ZNF185: variants seen among roughly 807,000 people sequenced by gnomAD.
ZNF185 encodes the protein zinc finger protein 185.
ZNF185 carries 56 observed loss-of-function variants against 58.6 expected under a neutral mutation model. That is an observed-to-expected ratio of 0.95 (90% CI 0.77 to 1.19). The LOEUF (loss-of-function observed/expected upper bound fraction) is 1.19. Among genes scored for constraint, ZNF185 ranks in the 50% most tolerant of loss-of-function variants. ZNF185 has a pLI of 0.00. For synonymous variants in ZNF185, 230 were observed against 215.9 expected (o/e 1.07, Z -0.57); for missense variants, 627 against 573.5 (o/e 1.09, Z -0.95).
At chrX:152,935,258 C>T (rs1187707282) in intron 14 of ZNF185, among the ~76,000 whole-genome samples, 6 of 92,103 alleles carry the variant, frequency 6.5e-5, no homozygotes, top group African/African-American at 1.2e-4. Context: ...TTTTTTGAGA[C>T]GGACTCTTGC....
At chrX:152,945,412 A>G in exon 16 of ZNF185, 2 of 1,206,945 alleles carry the variant, frequency 1.7e-6, no homozygotes, top group African/African-American at 3.5e-5. Context: ...AGAGCGGCAG[A>G]GCAGCCCCAG....
chrX:152,962,110 A>T (rs944898094), intron 17 of ZNF185, among the ~76,000 whole-genome samples: 25 of 111,313 alleles, frequency 2.2e-4, no homozygotes, highest in African/African-American at 7.9e-4. Context: ...GGGGAGAGGC[A>T]TTGTGGACAA....
intron 17 of ZNF185, among the ~76,000 whole-genome samples, chrX:152,960,305 C>T (rs2049325546): frequency 8.9e-6 from 1 of 112,473 alleles, no homozygotes; most frequent in Non-Finnish European, 1.9e-5. Flanking sequence ...TGAGCTCTTC[C>T]ACTGCCATCA....
chrX:152,959,588 G>C, intron 16 of ZNF185, 111 bp from the exon 19 acceptor site: 1 of 873,583 alleles, frequency 1.1e-6, no homozygotes, highest in East Asian at 3.4e-5. Context: ...CCCACTCTTG[G>C]GGAGATGAGT....
chrX:152,918,686 G>T (rs1413833255), intron 6 of ZNF185, among the ~76,000 whole-genome samples: 1 of 112,253 alleles, frequency 8.9e-6, no homozygotes, highest in Non-Finnish European at 1.9e-5. Flanking sequence ...AGGGAGGAGG[G>T]TTCTCTGGAC....
rs1556908320 is a variant in ZNF185, at chrX:152,959,696, C to T, written c.1410-3C>T. ...ACTTCATAAGGGTCTTATTCTTCCT[C>T]AGCGTGTTGACTGATTTTGAGGGGA... On this transcript the variant is annotated splice_polypyrimidine_tract_variant and splice_region_variant and intron_variant, in intron 16 of 22. Coordinates refer to ENST00000449285, the Ensembl canonical transcript of ZNF185. The T allele has an allele frequency of 8.3e-7, 1 of 1,209,229 alleles. No homozygotes were observed. Among genetic ancestry groups the T allele is most frequent in the South Asian group, 1.8e-5 (1 of 56,575 alleles).
chrX:152,921,127 C>G (rs1002247432), intron 9 of ZNF185, among the ~76,000 whole-genome samples: 7 of 112,094 alleles, frequency 6.2e-5, no homozygotes, highest in Admixed American at 9.4e-5. Flanking sequence ...TGGGAGGTGA[C>G]TGTGACATTG....
At chrX:152,922,416 T>A (rs1939920057) in intron 10 of ZNF185, among the ~76,000 whole-genome samples, 160 bp downstream of exon 11, 1 of 111,631 alleles carries the variant, frequency 9.0e-6, no homozygotes, top group Non-Finnish European at 1.9e-5. Flanking sequence ...TAAGAGCCCA[T>A]CTGGCTGGAT....
chrX:152,937,499 C>A (rs1167103839), intron 14 of ZNF185, among the ~76,000 whole-genome samples: 3 of 111,222 alleles, frequency 2.7e-5, no homozygotes, highest in Non-Finnish European at 5.7e-5. Context: ...CTCTGTCCAC[C>A]TGCAAAGACA....
intron 1 of ZNF185, 44 bp downstream of exon 2, chrX:152,914,567 G>A (rs1556863991): frequency 8.7e-7 from 1 of 1,151,604 alleles, no homozygotes; most frequent in African/African-American, 1.8e-5. Context: ...GTTTGGGGCT[G>A]TTTGCTTCCA....
At chrX:152,952,924 A>T (rs1556901318) in intron 16 of ZNF185, among the ~76,000 whole-genome samples, 1 of 103,574 alleles carries the variant, frequency 9.7e-6, no homozygotes, top group African/African-American at 3.6e-5. Context: ...GAGGAGGAGG[A>T]TGAGGAGGAG....
At chrX:152,922,025 G>A (rs782109440) in intron 9 of ZNF185, 148 bp from the exon 11 acceptor site, 9 of 519,476 alleles carry the variant, frequency 1.7e-5, no homozygotes, top group Non-Finnish European at 2.9e-5. Flanking sequence ...CTGAGCTGGA[G>A]TCACTGAACC....
At chrX:152,940,749 T>C (rs1432138281) in intron 15 of ZNF185, among the ~76,000 whole-genome samples, 1 of 112,615 alleles carries the variant, frequency 8.9e-6, no homozygotes, top group Non-Finnish European at 1.9e-5. Context: ...TGCCAGGTCA[T>C]TTCAAAATAT....
In ZNF185 at chrX:152,922,709, T is replaced by G. The variant is rs1556870291; in HGVS notation, c.741-11T>G. 2 of 1,193,523 alleles carry G rather than the reference T, an allele frequency of 1.7e-6. No homozygotes were observed. Among genetic ancestry groups the G allele is most frequent in the Non-Finnish European group, 2.3e-6 (2 of 885,871 alleles). On this transcript the variant is annotated splice_polypyrimidine_tract_variant and intron_variant, in intron 10 of 22. Coordinates refer to ENST00000449285, the Ensembl canonical transcript of ZNF185. ...ATCTCCAGAGCCTCTCACAGCCACC[T>G]TCTTTGCCAGTGCGGATGGAGGCAG...
chrX:152,932,792 T>G, intron 13 of ZNF185, 81 bp from the exon 15 acceptor site: 2 of 705,934 alleles, frequency 2.8e-6, no homozygotes, highest in Non-Finnish European at 4.4e-6. Flanking sequence ...CTTCTGGTCT[T>G]GAGGCCCACT....
At chrX:152,945,411 G>T in exon 16 of ZNF185, 1 of 1,207,756 alleles carries the variant, frequency 8.3e-7, no homozygotes, top group East Asian at 3.0e-5. Context: ...CAGAGCGGCA[G>T]AGCAGCCCCA....
intron 9 of ZNF185, 59 bp from the exon 11 acceptor site, chrX:152,922,114 C>G (rs1556869827): frequency 9.1e-7 from 1 of 1,100,630 alleles, no homozygotes; most frequent in African/African-American, 1.8e-5. Context: ...TTCTTTGAGG[C>G]CTCCAAGCTC....
chrX:152,958,266 C>A (rs940335837), intron 16 of ZNF185, among the ~76,000 whole-genome samples: 1 of 111,220 alleles, frequency 9.0e-6, no homozygotes, highest in African/African-American at 3.3e-5. Flanking sequence ...GTAGACAGCT[C>A]TTTCTAAGGA....
At chrX:152,937,642 C>T (rs1386325014) in intron 14 of ZNF185, among the ~76,000 whole-genome samples, 12 of 112,317 alleles carry the variant, frequency 1.1e-4, no homozygotes, top group Non-Finnish European at 2.1e-4. Flanking sequence ...CTTTTACAGA[C>T]AATAGTGGTT....
Sources: allele counts gnomAD v4.1 joint callset (sites outside exome capture counted in the v4.1 genomes callset), GRCh38; gene constraint gnomAD v4.1.1; transcripts MANE v1.5; gene names NCBI Gene and HGNC (gene_info 2026-07-23, HGNC 2026-07-21).